Variants in SLC16A5 observed in about 807,000 individuals in gnomAD.
The protein encoded by SLC16A5 is monocarboxylate transporter 6.
SLC16A5 carries 29 observed loss-of-function variants against 33.2 expected under a neutral mutation model. That is an observed-to-expected ratio of 0.87 (90% CI 0.65 to 1.19). The LOEUF (loss-of-function observed/expected upper bound fraction) is 1.19, where lower values mean the gene tolerates loss of function less well. Among genes scored for constraint, SLC16A5 ranks in the 50% most tolerant of loss-of-function variants. The pLI, the probability that SLC16A5 is intolerant of heterozygous loss-of-function variation, is 0.00. For missense variants in SLC16A5, 606 were observed against 678.2 expected, an observed-to-expected ratio of 0.89 and a Z score of 1.18; for synonymous variants, 248 against 284.1, an observed-to-expected ratio of 0.87 and a Z score of 1.28.
chr17:75,087,901 G>C (rs922845854), upstream of SLC16A5: 1 of 152,406 alleles, frequency 6.6e-6, no homozygotes, highest in Non-Finnish European at 1.5e-5. Flanking sequence ...TGGAAGGTGG[G>C]TCCCCGCCCA....
At position 75,099,995 on chromosome 17, in the gene SLC16A5, C is replaced by T. The variant is rs1412891649; in HGVS notation, c.344-12C>T. On this transcript the variant is annotated splice_polypyrimidine_tract_variant and intron_variant, in intron 4 of 6. Coordinates refer to ENST00000329783, the MANE Select transcript of SLC16A5 (RefSeq NM_004695.4). Reference sequence around the variant, plus strand: ...GTGCGCCTCCAGGCTGGTTTCCCCTCTTGCCCCGCAGGCCTGGGCATGTGC... The same window carrying T: ...GTGCGCCTCCAGGCTGGTTTCCCCTTTTGCCCCGCAGGCCTGGGCATGTGC... The T allele has an allele frequency of 7.5e-6, 12 of 1,601,780 alleles. No homozygotes were observed. The highest frequency in any genetic ancestry group is 1.1e-5 in the South Asian group (1 of 90,306).
At chr17:75,108,241 C>T (rs2073877880), downstream of SLC16A5, among the ~76,000 whole-genome samples, 1 of 152,140 alleles carries the variant, frequency 6.6e-6, no homozygotes, top group Admixed American at 6.5e-5. Flanking sequence ...GAGCTTACTT[C>T]CATCCTCCCT....
intron 5 of SLC16A5, 112 bp downstream of exon 5, chr17:75,100,928 C>A: frequency 2.8e-6 from 3 of 1,085,172 alleles, no homozygotes; most frequent in Non-Finnish European, 3.9e-6. Flanking sequence ...TGGTTTCCAA[C>A]CTGGCACTCA....
At position 75,100,189 on chromosome 17, in the gene SLC16A5, G is replaced by C; in HGVS notation, c.526G>C (p.Gly176Arg). The C allele has an allele frequency of 6.2e-7, 1 of 1,614,204 alleles. No homozygotes were observed. Among genetic ancestry groups the C allele is most frequent in the Non-Finnish European group, 8.5e-7 (1 of 1,180,042 alleles). ...CTGGAGGGGTACCTTCCTTGTCTTC[G>C]GCGGGATCTTTCTCCACTGCTGCAT... ...LGWRGTFLVF[G>R]GIFLHCCICG... Residue 176 changes from glycine (G) to arginine (R), a missense_variant, in exon 5 of 7, where the codon GGC (glycine) becomes CGC (arginine). Physicochemically the swap from Gly to Arg is moderately radical, Grantham distance 125 (BLOSUM62 -2). Coordinates refer to ENST00000329783, the MANE Select transcript of SLC16A5 (RefSeq NM_004695.4).
At chr17:75,107,931 T>C (rs190489468), downstream of SLC16A5, among the ~76,000 whole-genome samples, 1 of 150,344 alleles carries the variant, frequency 6.7e-6, no homozygotes, top group East Asian at 2.0e-4. Flanking sequence ...AGCGAGACAC[T>C]GTCTCAGAAA....
downstream of SLC16A5, among the ~76,000 whole-genome samples, chr17:75,107,212 A>T (rs576101945): frequency 2.9e-4 from 44 of 151,590 alleles, no homozygotes; most frequent in South Asian, 9.2e-3. Context: ...AGGTGGGAGG[A>T]TCCCTTGAGC....
chr17:75,108,901 G>C (rs528542757), downstream of SLC16A5, among the ~76,000 whole-genome samples: 61 of 152,244 alleles, frequency 4.0e-4, no homozygotes, highest in South Asian at 0.012. Context: ...TCATTATCAG[G>C]TATTTATGCA....
intron 3 of SLC16A5, among the ~76,000 whole-genome samples, 195 bp downstream of exon 3, chr17:75,094,030 G>C (rs1473560794): frequency 1.3e-5 from 2 of 152,236 alleles, no homozygotes; most frequent in African/African-American, 4.8e-5. Context: ...GGGAGAGAGT[G>C]GGGAGGTGCC....
chr17:75,098,483 G>A (rs1331888453), intron 4 of SLC16A5, among the ~76,000 whole-genome samples: 4 of 152,134 alleles, frequency 2.6e-5, no homozygotes, highest in South Asian at 2.1e-4. Flanking sequence ...AGAATCGCCC[G>A]GGAAGTGGAG....
intron 4 of SLC16A5, among the ~76,000 whole-genome samples, chr17:75,098,518 A>G (rs2073749903): frequency 6.6e-6 from 1 of 152,082 alleles, no homozygotes; most frequent in African/African-American, 2.4e-5. Context: ...AGATCGCACC[A>G]CTGTACTCCA....
intron 5 of SLC16A5, among the ~76,000 whole-genome samples, chr17:75,103,195 T>G (rs1001197042): frequency 6.6e-5 from 10 of 151,282 alleles, no homozygotes; most frequent in Non-Finnish European, 1.5e-4. Flanking sequence ...TGCCTTAGTT[T>G]TTGTATTTTT....
In SLC16A5 at chr17:75,100,256, CT is replaced by C; in HGVS notation, c.594del (p.Glu199ArgfsTer47). ...IIRPVATSVA[P>X]ETKECPPPPP... ...AGGCCTGTGGCCACCAGTGTGGCCC[CT>C]GAGACCAAAGAATGTCCCCCGCCAC... On this transcript the variant is annotated frameshift_variant, in exon 5 of 7. Coordinates refer to ENST00000329783, the MANE Select transcript of SLC16A5 (RefSeq NM_004695.4). LOFTEE classifies it high-confidence loss of function. 1 of 1,614,234 alleles carries C rather than the reference CT, an allele frequency of 6.2e-7. No homozygotes were observed. The highest frequency in any genetic ancestry group is 1.1e-5 in the South Asian group (1 of 91,084).
chr17:75,108,112 AAG>A (rs1055396106), downstream of SLC16A5, among the ~76,000 whole-genome samples: 2 of 152,140 alleles, frequency 1.3e-5, no homozygotes, highest in African/African-American at 4.8e-5. Flanking sequence ...AAAAGAAAAA[AAG>A]GGAGAAGACC....
In SLC16A5 at chr17:75,106,005, C is replaced by G. The variant is rs145130569; in HGVS notation, c.1490C>G (p.Thr497Arg). The G allele has an allele frequency of 1.4e-5, 22 of 1,594,864 alleles. No homozygotes were observed. Among genetic ancestry groups the G allele is most frequent in the Non-Finnish European group, 1.8e-5 (21 of 1,168,090 alleles). Residue 497 changes from threonine to arginine, a missense_variant, in exon 7 of 7, where the codon ACG becomes AGG. By Grantham distance (71) the Thr-to-Arg change is moderately conservative. Transcript: ENST00000329783. The stretch of plus-strand genomic sequence containing the variant: ...AAGGCGGTACTGCAGGCCAAGCAAA[C>G]GGCTCTGGGCTGGAATAGCCCTACC... Reference protein sequence around the residue: ...WPKAVLQAKQTALGWNSPT With the variant: ...WPKAVLQAKQRALGWNSPT
chr17:75,103,097 G>A (rs1274374776), intron 5 of SLC16A5, among the ~76,000 whole-genome samples: 2 of 152,130 alleles, frequency 1.3e-5, no homozygotes, highest in African/African-American at 2.4e-5. Flanking sequence ...CACTGTATTG[G>A]CCAGGCTGTT....
At position 75,100,762 on chromosome 17, in the gene SLC16A5, G is replaced by A. The variant is rs1222919966; in HGVS notation, c.1099G>A (p.Gly367Arg). Reference sequence around the variant, plus strand: ...CATGGATCAGTTCCCCAGAGCCCTGGGACTCTTCACTGTCCTGGACGGCCT... The same window carrying A: ...CATGGATCAGTTCCCCAGAGCCCTGAGACTCTTCACTGTCCTGGACGGCCT... ...VPMDQFPRAL[G>R]LFTVLDGLAF... Residue 367 changes from glycine (G) to arginine (R), a missense_variant, in exon 5 of 7, where the codon GGA becomes AGA. Physicochemically the swap from Gly to Arg is moderately radical, Grantham distance 125. Coordinates refer to ENST00000329783, the MANE Select transcript of SLC16A5 (RefSeq NM_004695.4). 1 of 1,613,584 alleles carries A rather than the reference G, an allele frequency of 6.2e-7. No homozygotes were observed. Among genetic ancestry groups the A allele is most frequent in the African/African-American group, 1.3e-5 (1 of 74,890 alleles).
chr17:75,095,664 ATT>A (rs35089527), intron 3 of SLC16A5, among the ~76,000 whole-genome samples: 9 of 143,200 alleles, frequency 6.3e-5, no homozygotes, highest in South Asian at 2.2e-4. Flanking sequence ...CACCCAGCTA[ATT>A]TTTTTTTTTT....
chr17:75,104,654 T>C (rs2073841810), intron 6 of SLC16A5: 1 of 627,246 alleles, frequency 1.6e-6, no homozygotes, highest in Non-Finnish European at 2.0e-6. Context: ...TTCTCTATGT[T>C]GGTCAGGCTG....
At chr17:75,109,696 T>C (rs983993792), downstream of SLC16A5, among the ~76,000 whole-genome samples, 5 of 152,184 alleles carry the variant, frequency 3.3e-5, no homozygotes, top group Admixed American at 6.5e-5. The surrounding 1 kb of genome is among the most constrained non-coding windows in gnomAD (Gnocchi z 5.0). Flanking sequence ...CGCCCATCTG[T>C]TGGCGGGGGC....
Sources: allele counts gnomAD v4.1 joint callset (sites outside exome capture counted in the v4.1 genomes callset), GRCh38; gene constraint gnomAD v4.1.1; non-coding constraint Gnocchi (gnomAD v3.1); transcripts MANE v1.5; gene names NCBI Gene and HGNC (gene_info 2026-07-23, HGNC 2026-07-21).